Variants in UTS2 observed in about 807,000 individuals in gnomAD.
The protein encoded by UTS2 is urotensin 2, also known as urotensin-2.
In UTS2, 10 loss-of-function variants were observed where a neutral mutation model predicts 12.6. The ratio of observed to expected loss-of-function variants is 0.80; its 90% CI spans 0.49 to 1.35. The LOEUF is 1.35. Among genes scored for constraint, UTS2 ranks in the 40% most tolerant of loss-of-function variants. The pLI is 0.00. For missense variants in UTS2, 142 were observed against 143.2 expected (o/e 0.99, Z 0.04); for synonymous variants, 52 against 50.0 (o/e 1.04, Z -0.17).
chr1:7,908,314 AAG>A, the UTS2 span, among the ~76,000 whole-genome samples: 1 of 147,744 alleles, frequency 6.8e-6, no homozygotes, highest in South Asian at 2.1e-4. Flanking sequence ...AAAAAAAAAA[AAG>A]TTAGCCAGGT....
the UTS2 span, among the ~76,000 whole-genome samples, chr1:7,894,186 T>A: frequency 6.6e-6 from 1 of 151,852 alleles, no homozygotes; most frequent in Non-Finnish European, 1.5e-5. Context: ...TTTTTATTTC[T>A]TTTTTCTTTT....
upstream of UTS2, among the ~76,000 whole-genome samples, chr1:7,854,989 T>C (rs179264): frequency 0.97 from 147,564 of 152,034 alleles, 71,643 homozygotes; most frequent in East Asian, 1. Flanking sequence ...GGTGAAACCC[T>C]GTCTCCACTA....
intron 1 of UTS2, among the ~76,000 whole-genome samples, 178 bp from the exon 2 acceptor site, chr1:7,851,100 T>C (rs1305255096): frequency 6.6e-6 from 1 of 152,184 alleles, no homozygotes; most frequent in East Asian, 1.9e-4. Context: ...TACCAGCCCG[T>C]GTGCCAGCCA....
At chr1:7,889,356 T>A in the UTS2 span, among the ~76,000 whole-genome samples, 1 of 147,342 alleles carries the variant, frequency 6.8e-6, no homozygotes, top group Non-Finnish European at 1.5e-5. Flanking sequence ...GTGAAAGGAT[T>A]GCCTGAGCCT....
the UTS2 span, among the ~76,000 whole-genome samples, chr1:7,899,748 G>A: frequency 6.6e-6 from 1 of 152,206 alleles, no homozygotes; most frequent in African/African-American, 2.4e-5. Context: ...ACAATTTAGT[G>A]TCTTGAAACA....
the UTS2 span, among the ~76,000 whole-genome samples, chr1:7,885,409 T>C: frequency 6.6e-6 from 1 of 152,064 alleles, no homozygotes; most frequent in Non-Finnish European, 1.5e-5. Flanking sequence ...CATGCCAGCC[T>C]CAGGGAGTAT....
At chr1:7,855,031 GGTGCCTGTA>G (rs1638278654), upstream of UTS2, among the ~76,000 whole-genome samples, 1 of 151,782 alleles carries the variant, frequency 6.6e-6, no homozygotes, top group African/African-American at 2.4e-5. Context: ...CGTGGTGGCA[GGTGCCTGTA>G]GTCCCAGCTA....
upstream of UTS2, among the ~76,000 whole-genome samples, chr1:7,853,721 T>A (rs1461799799): frequency 6.6e-6 from 1 of 152,218 alleles, no homozygotes; most frequent in African/African-American, 2.4e-5. Flanking sequence ...GAAAACTCGC[T>A]GATAAACATT....
chr1:7,849,707 T>G, intron 2 of UTS2, 24 bp from the exon 3 acceptor site: 2 of 1,599,858 alleles, frequency 1.3e-6, no homozygotes, highest in African/African-American at 1.3e-5. Flanking sequence ...TTGAAGCCAG[T>G]TCATCAGATC....
At chr1:7,897,416 C>T in the UTS2 span, among the ~76,000 whole-genome samples, 1 of 152,146 alleles carries the variant, frequency 6.6e-6, no homozygotes, top group Non-Finnish European at 1.5e-5. Flanking sequence ...ATTTTAGAGT[C>T]ATATTGTCAA....
At chr1:7,886,037 C>G in the UTS2 span, among the ~76,000 whole-genome samples, 1 of 118,888 alleles carries the variant, frequency 8.4e-6, no homozygotes, top group Non-Finnish European at 2.0e-5. Flanking sequence ...TCAGCTGCAC[C>G]GCACCTGTTC....
At chr1:7,876,658 A>G in the UTS2 span, among the ~76,000 whole-genome samples, 3 of 151,872 alleles carry the variant, frequency 2.0e-5, no homozygotes, top group Non-Finnish European at 2.9e-5. Flanking sequence ...CACCACCACC[A>G]CTGGTGCTGA....
At chr1:7,877,750 G>C in the UTS2 span, among the ~76,000 whole-genome samples, 1 of 152,120 alleles carries the variant, frequency 6.6e-6, no homozygotes, top group Admixed American at 6.5e-5. Flanking sequence ...GCATGTGCCT[G>C]TAATCCCAGC....
upstream of UTS2, among the ~76,000 whole-genome samples, chr1:7,854,552 G>A (rs1638265209): frequency 7.0e-6 from 1 of 143,398 alleles, no homozygotes; most frequent in South Asian, 2.2e-4. Context: ...TGGTTACAAC[G>A]TAATGATAGA....
the UTS2 span, among the ~76,000 whole-genome samples, chr1:7,902,083 C>G: frequency 6.6e-6 from 1 of 152,192 alleles, no homozygotes; most frequent in East Asian, 1.9e-4. Context: ...GGGAGGGAAG[C>G]TTTGGGGCTC....
the UTS2 span, among the ~76,000 whole-genome samples, chr1:7,909,283 G>A: frequency 1.3e-5 from 2 of 152,020 alleles, no homozygotes; most frequent in African/African-American, 4.8e-5. Flanking sequence ...CTGGGCTTAC[G>A]CCTGTAATCC....
At chr1:7,907,126 C>T in the UTS2 span, among the ~76,000 whole-genome samples, 5 of 152,052 alleles carry the variant, frequency 3.3e-5, no homozygotes, top group East Asian at 5.8e-4. Flanking sequence ...TGTGGTGGTG[C>T]GCGCTTGTAA....
the UTS2 span, among the ~76,000 whole-genome samples, chr1:7,862,320 A>G: frequency 6.6e-6 from 1 of 151,970 alleles, no homozygotes; most frequent in Admixed American, 6.6e-5. Flanking sequence ...TGTCCCCTGC[A>G]TGCTCCTACC....
At chr1:7,912,350 G>T in the UTS2 span, among the ~76,000 whole-genome samples, 1 of 152,180 alleles carries the variant, frequency 6.6e-6, no homozygotes. Flanking sequence ...TGAGGACTCA[G>T]CGGCATAAAC....
Sources: allele counts gnomAD v4.1 joint callset (sites outside exome capture counted in the v4.1 genomes callset), GRCh38; gene constraint gnomAD v4.1.1; transcripts MANE v1.5; gene names NCBI Gene and HGNC (gene_info 2026-07-23, HGNC 2026-07-21).